The following TESC variants were observed in gnomAD, a reference collection of about 807,000 sequenced individuals.
The protein encoded by TESC is calcineurin B homologous protein 3.
TESC carries 19 observed loss-of-function variants against 31.0 expected under a neutral mutation model. That is an observed-to-expected ratio of 0.61 (90% CI 0.43 to 0.90). The LOEUF is 0.90. Among genes scored for constraint, TESC ranks in the 40% least tolerant of loss-of-function variants. The probability of loss-of-function intolerance (pLI) is 0.00; values close to 1 mark genes in which losing one functional copy is unlikely to be tolerated. For synonymous variants in TESC, 109 were observed against 114.8 expected (o/e 0.95, Z 0.32); for missense variants, 248 against 303.8 (o/e 0.82, Z 1.36).
At chr12:117,076,417 A>T (rs1955074867) in intron 1 of TESC, among the ~76,000 whole-genome samples, 1 of 152,202 alleles carries the variant, frequency 6.6e-6, no homozygotes, top group Non-Finnish European at 1.5e-5. Context: ...TTATCAAAAC[A>T]ACTCAATAAG....
In TESC at chr12:117,038,948, T is replaced by TA; in HGVS notation, c.*184_*185insT. On this transcript the variant is annotated 3_prime_UTR_variant, in exon 8 of 8. Transcript: ENST00000335209. Reference sequence around the variant, plus strand: ...TTAATTAACAAACCTTTTTTTTTTTTTTATTGGAGATAAAAACAGCGAAGT... The same window carrying TA: ...TTAATTAACAAACCTTTTTTTTTTTTATTATTGGAGATAAAAACAGCGAAGT... 1.8e-6 allele frequency: 1 copy of TA among 559,672 alleles called. No homozygotes were observed. Among genetic ancestry groups the TA allele is most frequent in the Non-Finnish European group, 3.1e-6 (1 of 321,648 alleles). 34.7% of individuals were successfully genotyped at this position (559,672 alleles called of 1,614,324 possible).
chr12:117,069,111 C>A (rs201771161), intron 2 of TESC, among the ~76,000 whole-genome samples: 2 of 136,214 alleles, frequency 1.5e-5, no homozygotes, highest in East Asian at 2.0e-4. Flanking sequence ...TTTTTTTTTT[C>A]TTTTCTATTC....
At chr12:117,078,755 A>T (rs1161494855) in intron 1 of TESC, among the ~76,000 whole-genome samples, 1 of 152,206 alleles carries the variant, frequency 6.6e-6, no homozygotes, top group Non-Finnish European at 1.5e-5. Context: ...AAATAATAAT[A>T]ATTATTTCTC....
Position 117,075,913 on chromosome 12 carries a change from A to ATATGTGTGTG in TESC, c.59-574_59-573insCACACACATA, listed in dbSNP as rs1265957613. Among the ~76,000 whole-genome samples the ATATGTGTGTG allele has an allele frequency of 5.5e-3, 285 of 51,880 alleles. 4 individuals carry two copies. Among genetic ancestry groups the ATATGTGTGTG allele is most frequent in the Non-Finnish European group, 6.5e-3 (195 of 30,000 alleles). 34.0% of individuals were successfully genotyped at this position (51,880 alleles called of 152,430 possible). A position where few individuals can be genotyped will look rare whatever the true frequency, so the allele number is the denominator to read the frequency against. ...TATATATATATATATATATATATAT[A>ATATGTGTGTG]TGTGTGTGTGTATATATATATATAT... On this transcript the variant is annotated intron_variant, in intron 1 of 7. Transcript: ENST00000335209.
intron 1 of TESC, among the ~76,000 whole-genome samples, chr12:117,086,379 A>C (rs1456565344): frequency 6.8e-6 from 1 of 147,236 alleles, no homozygotes; most frequent in Non-Finnish European, 1.5e-5. Context: ...TGGGATTACA[A>C]GCATGAGCCA....
chr12:117,043,111 T>C (rs1231234661), intron 6 of TESC, among the ~76,000 whole-genome samples: 3 of 151,952 alleles, frequency 2.0e-5, no homozygotes, highest in Admixed American at 1.3e-4. Flanking sequence ...ACGCAAACCT[T>C]TCCTCAGACT....
intron 2 of TESC, among the ~76,000 whole-genome samples, chr12:117,063,999 A>C (rs1954836058): frequency 6.6e-6 from 1 of 152,190 alleles, no homozygotes; most frequent in South Asian, 2.1e-4. Flanking sequence ...TTCATGGCTC[A>C]CTGCAGCCTT....
chr12:117,044,911 AAAAAG>A (rs1954535102), intron 6 of TESC, among the ~76,000 whole-genome samples: 1 of 128,746 alleles, frequency 7.8e-6, no homozygotes, highest in East Asian at 2.4e-4. Flanking sequence ...AAAAAAGAAA[AAAAAG>A]AGAGAGAGAC....
intron 1 of TESC, among the ~76,000 whole-genome samples, chr12:117,085,834 T>C (rs2135797782): frequency 6.6e-6 from 1 of 152,326 alleles, no homozygotes; most frequent in South Asian, 2.1e-4. Context: ...GACAACGGGA[T>C]GTCCTCCCTT....
intron 1 of TESC, among the ~76,000 whole-genome samples, chr12:117,098,979 C>T (rs141216585): frequency 0.045 from 6,800 of 152,258 alleles, 207 homozygotes; most frequent in Non-Finnish European, 0.068. Context: ...CCGCAGTCCC[C>T]CGGCCAGGGA....
At chr12:117,071,179 T>C (rs1229810564) in intron 2 of TESC, among the ~76,000 whole-genome samples, 1 of 152,230 alleles carries the variant, frequency 6.6e-6, no homozygotes, top group Non-Finnish European at 1.5e-5. Flanking sequence ...GAAAGAATTC[T>C]GCTAGTCATT....
intron 4 of TESC, among the ~76,000 whole-genome samples, chr12:117,047,114 G>A (rs905665022): frequency 4.6e-5 from 7 of 152,214 alleles, no homozygotes; most frequent in Admixed American, 2.0e-4. Context: ...GGGAGCTAGC[G>A]CTGTGGCGTT....
In TESC at chr12:117,046,607, G is replaced by A. The variant is rs938495709; in HGVS notation, c.471C>T (p.Ile157=). ...PHIEKESARS[I]ADGAMMEAAS... ...CCGCCTCCATCATGGCCCCGTCGGC[G>A]ATGGAGCGAGCGGACTCCTTCTCGA... The change falls in exon 6 of 8, where the codon ATC becomes ATT. Residue 157 remains isoleucine, a synonymous_variant. Coordinates refer to ENST00000335209, the MANE Select transcript of TESC (RefSeq NM_017899.4). 10 of 1,551,346 alleles carry A rather than the reference G, an allele frequency of 6.4e-6. No individual in the cohort carries two copies. In the Middle Eastern group the frequency reaches 6.7e-4, roughly 103 times the overall value.
chr12:117,046,699 T>C, intron 5 of TESC, 33 bp from the exon 6 acceptor site: 1 of 1,552,354 alleles, frequency 6.4e-7, no homozygotes, highest in South Asian at 1.2e-5. Context: ...ACGGTGACCT[T>C]GGGCCTCCAT....
intron 4 of TESC, among the ~76,000 whole-genome samples, chr12:117,047,781 G>A (rs942594403): frequency 2.6e-5 from 4 of 151,776 alleles, no homozygotes; most frequent in African/African-American, 4.8e-5. Flanking sequence ...TCACTCTGTC[G>A]CACAGGCTGA....
At chr12:117,043,437 T>G (rs531578594) in intron 6 of TESC, among the ~76,000 whole-genome samples, 3 of 142,444 alleles carry the variant, frequency 2.1e-5, no homozygotes, top group Admixed American at 6.8e-5. Flanking sequence ...GCCTTCCAAG[T>G]GGTATTGTTT....
At chr12:117,050,233 G>A (rs4766828) in intron 3 of TESC, among the ~76,000 whole-genome samples, 1 of 152,244 alleles carries the variant, frequency 6.6e-6, no homozygotes, top group Non-Finnish European at 1.5e-5. Flanking sequence ...TTGGCACACA[G>A]CCATGCCCAT....
At chr12:117,058,606 G>C (rs1240083919) in intron 2 of TESC, among the ~76,000 whole-genome samples, 1 of 150,164 alleles carries the variant, frequency 6.7e-6, no homozygotes, top group African/African-American at 2.5e-5. Flanking sequence ...GTGATGGCAT[G>C]CGCCTGTAGT....
At chr12:117,085,736 G>A (rs1048941520) in intron 1 of TESC, among the ~76,000 whole-genome samples, 2 of 152,176 alleles carry the variant, frequency 1.3e-5, no homozygotes, top group African/African-American at 4.8e-5. Context: ...GTGCTGCCGG[G>A]GGAGGCTGCT....
Sources: allele counts gnomAD v4.1 joint callset (sites outside exome capture counted in the v4.1 genomes callset), GRCh38; gene constraint gnomAD v4.1.1; transcripts MANE v1.5; gene names NCBI Gene and HGNC (gene_info 2026-07-23, HGNC 2026-07-21).